PDE12: variants seen among roughly 807,000 people sequenced by gnomAD.
The protein encoded by PDE12 is 2',5'-phosphodiesterase 12.
PDE12 carries 26 observed loss-of-function variants against 45.4 expected under a neutral mutation model. The observed-to-expected ratio is 0.57, with a 90% confidence interval of 0.42 to 0.79. The LOEUF (loss-of-function observed/expected upper bound fraction) is 0.79. Ranked by LOEUF, PDE12 falls within the 30% of genes least tolerant of loss-of-function variation. The pLI is 0.00. For synonymous variants in PDE12, 283 were observed against 323.9 expected (o/e 0.87, Z 1.36); for missense variants, 668 against 790.0 (o/e 0.85, Z 1.85).
At chr3:57,625,236 A>G in the PDE12 span, among the ~76,000 whole-genome samples, 83 of 152,320 alleles carry the variant, frequency 5.4e-4, no homozygotes, top group South Asian at 0.015. Flanking sequence ...CATAAAATCA[A>G]TGCACTGCTA....
At chr3:57,625,772 T>C in the PDE12 span, 1 of 152,538 alleles carries the variant, frequency 6.6e-6, no homozygotes, top group Non-Finnish European at 1.5e-5. Flanking sequence ...AGGTATGATA[T>C]GGTTTTCAAC....
the PDE12 span, among the ~76,000 whole-genome samples, chr3:57,617,405 T>C: frequency 2.0e-5 from 3 of 151,858 alleles, no homozygotes; most frequent in African/African-American, 7.3e-5. Context: ...TCCTGTCTAA[T>C]AAAAAGTAGT....
chr3:57,647,674 T>C, the PDE12 span, among the ~76,000 whole-genome samples: 1 of 151,966 alleles, frequency 6.6e-6, no homozygotes, highest in African/African-American at 2.4e-5. Flanking sequence ...GAAATGAGGG[T>C]ATCTCCATGG....
chr3:57,569,052 T>C (rs1484911436), downstream of PDE12, among the ~76,000 whole-genome samples: 2 of 152,146 alleles, frequency 1.3e-5, no homozygotes, highest in Admixed American at 6.6e-5. Flanking sequence ...TTCTGTACAA[T>C]AGGGGCGGTC....
At chr3:57,597,224 C>A in the PDE12 span, 1 of 1,339,890 alleles carries the variant, frequency 7.5e-7, no homozygotes, top group Non-Finnish European at 1.1e-6. Context: ...CCCAGGCAAA[C>A]TAAACGAGAG....
chr3:57,631,161 T>G, the PDE12 span: 2 of 577,968 alleles, frequency 3.5e-6, no homozygotes, highest in Non-Finnish European at 6.1e-6. Context: ...AGATTTCAAA[T>G]AAAAATTCAA....
the PDE12 span, among the ~76,000 whole-genome samples, chr3:57,632,028 T>G: frequency 7.8e-6 from 1 of 128,250 alleles, no homozygotes; most frequent in African/African-American, 2.9e-5. Context: ...GGCCTTTTTT[T>G]TTTTTTTTTT....
the PDE12 span, among the ~76,000 whole-genome samples, chr3:57,653,064 C>T: frequency 1.3e-5 from 2 of 152,114 alleles, no homozygotes; most frequent in African/African-American, 4.8e-5. Flanking sequence ...GAAATAGACT[C>T]TAAAGTATTA....
At chr3:57,643,757 G>GT in the PDE12 span, among the ~76,000 whole-genome samples, 1 of 150,816 alleles carries the variant, frequency 6.6e-6, no homozygotes, top group African/African-American at 2.4e-5. Context: ...AACCCAGGAG[G>GT]TGAAGTTTGC....
chr3:57,586,315 T>G, the PDE12 span, among the ~76,000 whole-genome samples: 1 of 152,218 alleles, frequency 6.6e-6, no homozygotes, highest in South Asian at 2.1e-4. Flanking sequence ...AAGCATGACT[T>G]AGCACATAAA....
chr3:57,649,630 G>GA, the PDE12 span, among the ~76,000 whole-genome samples: 25 of 146,392 alleles, frequency 1.7e-4, no homozygotes, highest in Admixed American at 2.7e-4. Context: ...ATCAATGAGT[G>GA]AAAAAAAAAA....
At chr3:57,605,619 GCA>G in the PDE12 span, among the ~76,000 whole-genome samples, 1 of 151,960 alleles carries the variant, frequency 6.6e-6, no homozygotes, top group Non-Finnish European at 1.5e-5. Flanking sequence ...AGAACAAACC[GCA>G]CAAGGATTTA....
At chr3:57,613,047 C>G in the PDE12 span, among the ~76,000 whole-genome samples, 1 of 152,018 alleles carries the variant, frequency 6.6e-6, no homozygotes, top group East Asian at 1.9e-4. Context: ...GTGGCATGAT[C>G]TCGGCTCACT....
chr3:57,614,921 C>T, the PDE12 span, among the ~76,000 whole-genome samples: 4 of 150,300 alleles, frequency 2.7e-5, no homozygotes, highest in South Asian at 2.1e-4. Flanking sequence ...TGAATCCGGG[C>T]GGCAGATGTT....
chr3:57,651,881 T>G, the PDE12 span, among the ~76,000 whole-genome samples: 1 of 151,494 alleles, frequency 6.6e-6, no homozygotes, highest in East Asian at 1.9e-4. Context: ...GAAATCAGAG[T>G]CCAAACAGAT....
the PDE12 span, among the ~76,000 whole-genome samples, chr3:57,607,495 A>C: frequency 0.17 from 26,210 of 152,092 alleles, 2,782 homozygotes; most frequent in East Asian, 0.48. Context: ...ACCTTGAAAA[A>C]AGATTAGATG....
chr3:57,593,484 C>T, the PDE12 span, among the ~76,000 whole-genome samples: 2 of 152,190 alleles, frequency 1.3e-5, no homozygotes, highest in South Asian at 4.1e-4. Context: ...CATCTCTAGA[C>T]CCCCAAAACC....
At chr3:57,615,777 C>G in the PDE12 span, among the ~76,000 whole-genome samples, 1 of 151,874 alleles carries the variant, frequency 6.6e-6, no homozygotes, top group African/African-American at 2.4e-5. Flanking sequence ...GTACCCCAGT[C>G]TGGATGCCAG....
chr3:57,617,361 G>A, the PDE12 span, among the ~76,000 whole-genome samples: 1 of 141,786 alleles, frequency 7.1e-6, no homozygotes, highest in East Asian at 2.2e-4. Flanking sequence ...CTATGATCAA[G>A]CCACTGCACT....
Sources: allele counts gnomAD v4.1 joint callset (sites outside exome capture counted in the v4.1 genomes callset), GRCh38; gene constraint gnomAD v4.1.1; transcripts MANE v1.5; gene names NCBI Gene and HGNC (gene_info 2026-07-23, HGNC 2026-07-21).